GOSR2: variants seen among roughly 807,000 people sequenced by gnomAD.
GOSR2 encodes 27 kDa Golgi SNARE protein.
In GOSR2, 20 loss-of-function variants were observed where a neutral mutation model predicts 27.9. That is an observed-to-expected ratio of 0.72 (90% CI 0.50 to 1.04). The LOEUF is 1.04. Ranked by LOEUF, GOSR2 falls within the 50% of genes least tolerant of loss-of-function variation. The pLI is 0.00. For missense variants in GOSR2, 261 were observed against 270.5 expected (o/e 0.97, Z 0.25); for synonymous variants, 91 against 98.8 (o/e 0.92, Z 0.47).
At chr17:46,946,797 A>T (rs1228343965), downstream of GOSR2, among the ~76,000 whole-genome samples, 1 of 152,218 alleles carries the variant, frequency 6.6e-6, no homozygotes, top group Non-Finnish European at 1.5e-5. Context: ...CAGGAGGCAG[A>T]GGTTGCAGTG....
chr17:46,941,194 C>T lies in GOSR2; in HGVS notation c.*2434C>T, dbSNP rs1349735662. ...GGACCACTGTAAGAAAAGCCAAACTCCAAGACCAAGTAAGTTAGAGGAGTC... is the reference window on the plus strand; with the variant it reads ...GGACCACTGTAAGAAAAGCCAAACTTCAAGACCAAGTAAGTTAGAGGAGTC... On this transcript the variant is annotated 3_prime_UTR_variant, in exon 6 of 6. Transcript: ENST00000640051. The T allele has an allele frequency of 2.0e-6, 2 of 1,002,276 alleles. No individual in the cohort carries two copies. Among genetic ancestry groups the T allele is most frequent in the Non-Finnish European group, 2.4e-6 (2 of 838,538 alleles). The allele number at this position is 1,002,276 out of a possible 1,614,324, so 62.1% of individuals were successfully genotyped here. A position where few individuals can be genotyped will look rare whatever the true frequency, so the allele number is the denominator to read the frequency against.
chr17:46,971,728 C>A (rs1244719631), downstream of GOSR2, among the ~76,000 whole-genome samples: 5 of 152,180 alleles, frequency 3.3e-5, no homozygotes, highest in Non-Finnish European at 7.3e-5. Flanking sequence ...GGAAGTCCTG[C>A]ACCCCGACCT....
intron 6 of GOSR2, among the ~76,000 whole-genome samples, chr17:46,954,638 T>C (rs565141547): frequency 3.9e-5 from 6 of 152,238 alleles, no homozygotes; most frequent in African/African-American, 1.4e-4. Flanking sequence ...TTTCATGATA[T>C]TGATTCTTCC....
intron 6 of GOSR2, among the ~76,000 whole-genome samples, chr17:46,952,990 G>A (rs1352009756): frequency 6.6e-6 from 1 of 152,016 alleles, no homozygotes; most frequent in Non-Finnish European, 1.5e-5. Context: ...TCATTCAAAT[G>A]ACTCTGAGCC....
rs1599074192 is a variant in GOSR2, at chr17:46,940,765, C to T, written c.*2005C>T. 18 of 1,535,046 alleles carry T rather than the reference C, an allele frequency of 1.2e-5. No individual in the cohort carries two copies. The African/African-American group carries it at 1.4e-4, about 12-fold the overall frequency. On this transcript the variant is annotated 3_prime_UTR_variant, in exon 6 of 6. Coordinates refer to ENST00000640051, the MANE Select transcript of GOSR2 (RefSeq NM_004287.5). ...TCATGCTGCACCTTCAGAGCCAGTC[C>T]TCTAGTTTGGAATAAAAATTGCAGA...
intron 6 of GOSR2, among the ~76,000 whole-genome samples, chr17:46,958,416 G>A (rs2090860365): frequency 6.6e-6 from 1 of 152,236 alleles, no homozygotes; most frequent in Admixed American, 6.5e-5. Context: ...AACGTGTGTG[G>A]GGGCTCAGAG....
At chr17:46,943,620 G>A (rs895040223), downstream of GOSR2, among the ~76,000 whole-genome samples, 9 of 152,230 alleles carry the variant, frequency 5.9e-5, no homozygotes, top group East Asian at 1.9e-4. Flanking sequence ...CGTAGTAGGC[G>A]CAGGCGCCAT....
Position 46,939,950 on chromosome 17 carries a change from C to CA in GOSR2, c.*1191dup. 1 of 1,007,810 alleles carries CA rather than the reference C, an allele frequency of 9.9e-7. No homozygotes were observed. The highest frequency in any genetic ancestry group is 1.2e-6 in the Non-Finnish European group (1 of 842,034). 62.4% of individuals were successfully genotyped at this position (1,007,810 alleles called of 1,614,324 possible). On this transcript the variant is annotated 3_prime_UTR_variant, in exon 6 of 6. Coordinates refer to ENST00000640051, the MANE Select transcript of GOSR2 (RefSeq NM_004287.5). ...ACCACAGGCCTACCAGCCCTGGGCA[C>CA]AGCAGCTTCATGGCAAGACATAAAA... is the stretch of plus-strand genomic sequence containing the variant.
Position 46,940,694 on chromosome 17 carries a change from G to A in GOSR2, c.*1934G>A. On this transcript the variant is annotated 3_prime_UTR_variant, in exon 6 of 6. Transcript: ENST00000640051. ...CTGATAGGACATCTTTTCGTGGTGT[G>A]CACCAGTGCTTTCCACACTTGACAG... The A allele has an allele frequency of 6.2e-7, 1 of 1,609,704 alleles. No individual in the cohort carries two copies. The highest frequency in any genetic ancestry group is 8.5e-7 in the Non-Finnish European group (1 of 1,179,596).
chr17:46,973,682 T>A (rs1362468473), intron 6 of GOSR2, among the ~76,000 whole-genome samples: 4 of 152,204 alleles, frequency 2.6e-5, no homozygotes, highest in African/African-American at 7.2e-5. Context: ...TTTGCTGTCC[T>A]GGACACCCCG....
rs563155623 is a variant in GOSR2, at chr17:46,935,083, C to T, written c.391C>T (p.Gln131Ter). Residue 131 changes from glutamine (Q) to a stop codon, truncating the protein, a stop_gained, in exon 5 of 6, where the codon CAG (glutamine) becomes TAG (stop). Transcript: ENST00000640051. LOFTEE classifies it high-confidence loss of function. ...ATCACTGCAGTTTAACTCCTCCCTC[C>T]AGAAAGTTCACAACGGCATGGATGA... ...DESLQFNSSLQKVHNGMDDLI... is the reference protein window; with the variant it reads ...DESLQFNSSL The T allele has an allele frequency of 6.2e-7, 1 of 1,612,688 alleles. No homozygotes were observed. The highest frequency in any genetic ancestry group is 2.2e-5 in the East Asian group (1 of 44,878).
chr17:46,958,651 G>A (rs1488242225), intron 6 of GOSR2, among the ~76,000 whole-genome samples: 3 of 152,200 alleles, frequency 2.0e-5, no homozygotes, highest in Non-Finnish European at 4.4e-5. Context: ...TCAGGGCATC[G>A]CCCTCCCACC....
At position 46,941,900 on chromosome 17, in the gene GOSR2, G is replaced by A; in HGVS notation, c.*3140G>A. ...TGTACCTGGCCTCTAAGGTGATTCT[G>A]ATGTGTGTATTTTGGAACCACTGTC... On this transcript the variant is annotated 3_prime_UTR_variant, in exon 6 of 6. Coordinates refer to ENST00000640051, the MANE Select transcript of GOSR2 (RefSeq NM_004287.5). The A allele has an allele frequency of 2.0e-6, 2 of 984,118 alleles. No individual in the cohort carries two copies. The highest frequency in any genetic ancestry group is 1.7e-5 in the African/African-American group (1 of 57,300). The allele number at this position is 984,118 out of a possible 1,614,324, so 61.0% of individuals were successfully genotyped here. A position where few individuals can be genotyped will look rare whatever the true frequency, so the allele number is the denominator to read the frequency against.
chr17:46,924,789 TGAAAC>T (rs1291530277), intron 1 of GOSR2, among the ~76,000 whole-genome samples: 1 of 152,204 alleles, frequency 6.6e-6, no homozygotes, highest in Non-Finnish European at 1.5e-5. Flanking sequence ...AGAGAAAGAA[TGAAAC>T]GAAATTATGT....
chr17:46,931,659 C>CACCCCT (rs1195584938), intron 3 of GOSR2: 4 of 321,158 alleles, frequency 1.2e-5, no homozygotes, highest in Admixed American at 4.8e-5. Flanking sequence ...TTGCCACCTC[C>CACCCCT]ACCCCCAGCG....
Position 46,940,333 on chromosome 17 carries a change from T to C in GOSR2, c.*1573T>C. The C allele has an allele frequency of 1.4e-6, 2 of 1,459,968 alleles. No homozygotes were observed. The highest frequency in any genetic ancestry group is 1.8e-6 in the Non-Finnish European group (2 of 1,108,720). The allele number at this position is 1,459,968 out of a possible 1,614,324, so 90.4% of individuals were successfully genotyped here. On this transcript the variant is annotated 3_prime_UTR_variant, in exon 6 of 6. Transcript: ENST00000640051. ...TTCCAAGGAAGGAGCAATCTGTGACTCCTAAAATGGGTTGGGGCCCTGCCA... is the reference window on the plus strand; with the variant it reads ...TTCCAAGGAAGGAGCAATCTGTGACCCCTAAAATGGGTTGGGGCCCTGCCA...
intron 4 of GOSR2, among the ~76,000 whole-genome samples, chr17:46,934,140 G>T (rs368951706): frequency 7.3e-5 from 11 of 150,154 alleles, no homozygotes; most frequent in African/African-American, 2.8e-4. Flanking sequence ...CAGGCCCTGC[G>T]CTCAGTACCC....
intron 4 of GOSR2, among the ~76,000 whole-genome samples, 187 bp from the exon 5 acceptor site, chr17:46,934,842 C>T (rs1201456861): frequency 6.6e-6 from 1 of 152,176 alleles, no homozygotes; most frequent in Non-Finnish European, 1.5e-5. Context: ...TGAGGAAGTT[C>T]CTCTTCTGTG....
chr17:46,933,631 C>CTTTTTTT lies in GOSR2; in HGVS notation c.337-1390_337-1384dup, dbSNP rs5820637. On this transcript the variant is annotated intron_variant, in intron 4 of 5. Transcript: ENST00000640051. ...AGCAGCAAAGAAACAGTGGCATAAC[C>CTTTTTTT]TTTTTTTTTTTTTTGGACAATTGAA... The CTTTTTTT allele has an allele frequency of 1.2e-3, 168 of 134,736 alleles. 7 individuals carry two copies. Among genetic ancestry groups the CTTTTTTT allele is most frequent in the African/African-American group, 4.5e-3 (159 of 34,972 alleles). 8.3% of individuals were successfully genotyped at this position (134,736 alleles called of 1,614,324 possible).
Sources: allele counts gnomAD v4.1 joint callset (sites outside exome capture counted in the v4.1 genomes callset), GRCh38; gene constraint gnomAD v4.1.1; transcripts MANE v1.5; gene names NCBI Gene and HGNC (gene_info 2026-07-23, HGNC 2026-07-21).